Variants in GPATCH2 observed in about 807,000 individuals in gnomAD.
GPATCH2 encodes G-patch domain containing 2, also known as G patch domain-containing protein 2.
In GPATCH2, 51 loss-of-function variants were observed where a neutral mutation model predicts 58.0. The observed-to-expected ratio is 0.88, with a 90% confidence interval of 0.70 to 1.11. The LOEUF (loss-of-function observed/expected upper bound fraction) is 1.11, where lower values mean the gene tolerates loss of function less well. Among genes scored for constraint, GPATCH2 ranks in the 50% most tolerant of loss-of-function variants. The probability of loss-of-function intolerance (pLI) is 0.00; values close to 1 mark genes in which losing one functional copy is unlikely to be tolerated. For synonymous variants in GPATCH2, 222 were observed against 218.5 expected, an observed-to-expected ratio of 1.02 and a Z score of -0.14; for missense variants, 625 against 652.2, an observed-to-expected ratio of 0.96 and a Z score of 0.45.
intron 5 of GPATCH2, among the ~76,000 whole-genome samples, chr1:217,571,769 T>C (rs1208365908): frequency 2.1e-5 from 3 of 146,016 alleles, no homozygotes; most frequent in African/African-American, 7.6e-5. Context: ...GGCACATGCC[T>C]ATAGTCCCAG....
intron 5 of GPATCH2, chr1:217,608,327 A>T (rs1668458399): frequency 1.0e-6 from 1 of 984,356 alleles, no homozygotes; most frequent in African/African-American, 1.7e-5. Flanking sequence ...TACAAAAAAC[A>T]TAGACCAGAA....
chr1:217,494,477 G>A (rs375123299), intron 7 of GPATCH2, among the ~76,000 whole-genome samples: 8 of 152,208 alleles, frequency 5.3e-5, no homozygotes, highest in East Asian at 1.9e-4. Context: ...AGTGGCTCAC[G>A]CCTGTAATCC....
chr1:217,455,748 T>G (rs1464390630), intron 8 of GPATCH2, among the ~76,000 whole-genome samples: 1 of 152,056 alleles, frequency 6.6e-6, no homozygotes, highest in Non-Finnish European at 1.5e-5. Context: ...CCTATGGTCC[T>G]AAATGAGAAT....
intron 6 of GPATCH2, among the ~76,000 whole-genome samples, chr1:217,499,881 C>A (rs1368452400): frequency 6.6e-6 from 1 of 151,956 alleles, no homozygotes. Flanking sequence ...ACTGTCAACT[C>A]TTTTAGTCTT....
At chr1:217,504,216 T>C (rs960151971) in intron 6 of GPATCH2, among the ~76,000 whole-genome samples, 2 of 152,044 alleles carry the variant, frequency 1.3e-5, no homozygotes, top group Non-Finnish European at 2.9e-5. Flanking sequence ...AAAGGAATAA[T>C]CTGAAAGGGA....
At chr1:217,600,955 A>G (rs927029500) in intron 5 of GPATCH2, among the ~76,000 whole-genome samples, 1 of 152,192 alleles carries the variant, frequency 6.6e-6, no homozygotes, top group Admixed American at 6.5e-5. Context: ...GATCACATAT[A>G]TCTCGAAAAC....
intron 9 of GPATCH2, among the ~76,000 whole-genome samples, chr1:217,434,568 A>G (rs1658719805): frequency 6.6e-6 from 1 of 152,160 alleles, no homozygotes; most frequent in Non-Finnish European, 1.5e-5. Flanking sequence ...GTCAGACCAG[A>G]GGTCTATTGC....
At chr1:217,594,301 T>C (rs1028581153) in intron 5 of GPATCH2, among the ~76,000 whole-genome samples, 12 of 152,248 alleles carry the variant, frequency 7.9e-5, no homozygotes, top group Admixed American at 7.2e-4. Flanking sequence ...ATATTTAACA[T>C]GTGAGCTTAA....
intron 5 of GPATCH2, among the ~76,000 whole-genome samples, chr1:217,598,510 T>G (rs900093479): frequency 3.3e-5 from 5 of 151,998 alleles, no homozygotes; most frequent in African/African-American, 1.2e-4. Context: ...TGGAGTGCAG[T>G]GGCGCAGTCT....
At chr1:217,522,544 G>C (rs1663520903) in intron 5 of GPATCH2, among the ~76,000 whole-genome samples, 1 of 152,098 alleles carries the variant, frequency 6.6e-6, no homozygotes, top group African/African-American at 2.4e-5. Flanking sequence ...TGAGCATCAA[G>C]AAAGTAAGGA....
intron 9 of GPATCH2, among the ~76,000 whole-genome samples, chr1:217,439,386 A>G (rs980067228): frequency 1.3e-5 from 2 of 152,252 alleles, no homozygotes; most frequent in Admixed American, 1.3e-4. Flanking sequence ...AGGGAAATTG[A>G]TAGCACTAAA....
At chr1:217,571,703 C>CAAAAAAAAAAAAAAAAAACAA (rs11463536) in intron 5 of GPATCH2, among the ~76,000 whole-genome samples, 1 of 73,812 alleles carries the variant, frequency 1.4e-5, no homozygotes, top group African/African-American at 5.3e-5. Flanking sequence ...AAAACGAAAC[C>CAAAAAAAAAAAAAAAAAACAA]AAAAAAAAAA....
intron 8 of GPATCH2, among the ~76,000 whole-genome samples, chr1:217,474,668 A>G (rs1660892083): frequency 6.6e-6 from 1 of 152,218 alleles, no homozygotes; most frequent in Non-Finnish European, 1.5e-5. Context: ...GGCATGCTTT[A>G]GTCACGCACT....
At chr1:217,556,775 C>G (rs935087945) in intron 5 of GPATCH2, among the ~76,000 whole-genome samples, 1 of 152,130 alleles carries the variant, frequency 6.6e-6, no homozygotes, top group South Asian at 2.1e-4. Context: ...CTGGCTGGTG[C>G]CTTTTTCCAA....
At chr1:217,585,235 T>C in intron 5 of GPATCH2, among the ~76,000 whole-genome samples, 1 of 152,226 alleles carries the variant, frequency 6.6e-6, no homozygotes, top group South Asian at 2.1e-4. Flanking sequence ...TTTGCAGTTA[T>C]AGTTCATTCC....
At chr1:217,607,382 G>C (rs1225309499) in intron 5 of GPATCH2, among the ~76,000 whole-genome samples, 1 of 151,900 alleles carries the variant, frequency 6.6e-6, no homozygotes, top group African/African-American at 2.4e-5. Context: ...GAATTGTTGT[G>C]CTTTTTGTGG....
intron 1 of GPATCH2, among the ~76,000 whole-genome samples, chr1:217,630,200 A>T (rs1669677286): frequency 6.6e-6 from 1 of 152,180 alleles, no homozygotes; most frequent in African/African-American, 2.4e-5. Context: ...GTACAGGGCA[A>T]CTTTGGACAC....
intron 6 of GPATCH2, among the ~76,000 whole-genome samples, chr1:217,505,958 G>A (rs1227311299): frequency 6.6e-6 from 1 of 152,170 alleles, no homozygotes; most frequent in Non-Finnish European, 1.5e-5. Flanking sequence ...AACTGGTTGG[G>A]ATTACAGGCA....
At chr1:217,527,894 C>T (rs1403337478) in intron 5 of GPATCH2, among the ~76,000 whole-genome samples, 1 of 152,100 alleles carries the variant, frequency 6.6e-6, no homozygotes, top group Non-Finnish European at 1.5e-5. Flanking sequence ...AGACTTAAAA[C>T]ATAAAACTAT....
Sources: allele counts gnomAD v4.1 joint callset (sites outside exome capture counted in the v4.1 genomes callset), GRCh38; gene constraint gnomAD v4.1.1; transcripts MANE v1.5; gene names NCBI Gene and HGNC (gene_info 2026-07-23, HGNC 2026-07-21).